SLC22A25: variants seen among roughly 807,000 people sequenced by gnomAD.
SLC22A25 encodes the protein MGI:2442751, MGI:2385316, MGI:3042283, MGI:3645714, MGI:3605624, MGI:2442750.
SLC22A25 carries 44 observed loss-of-function variants against 45.9 expected under a neutral mutation model. The ratio of observed to expected loss-of-function variants is 0.96; its 90% confidence interval spans 0.75 to 1.23. The LOEUF (loss-of-function observed/expected upper bound fraction) is 1.23, where lower values mean the gene tolerates loss of function less well. Among genes scored for constraint, SLC22A25 ranks in the 50% most tolerant of loss-of-function variants. The pLI, the probability that SLC22A25 is intolerant of heterozygous loss-of-function variation, is 0.00. For synonymous variants in SLC22A25, 283 were observed against 238.6 expected (o/e 1.19, Z -1.72); for missense variants, 800 against 666.4 (o/e 1.20, Z -2.21).
At chr11:63,174,286 T>A (rs2088005109) in intron 9 of SLC22A25, among the ~76,000 whole-genome samples, 1 of 152,184 alleles carries the variant, frequency 6.6e-6, no homozygotes, top group South Asian at 2.1e-4. Context: ...CACATTTTCT[T>A]AATCTAGTCT....
At chr11:63,192,341 C>G (rs761220812) in intron 7 of SLC22A25, among the ~76,000 whole-genome samples, 2 of 152,090 alleles carry the variant, frequency 1.3e-5, no homozygotes, top group African/African-American at 2.4e-5. Context: ...GAAAGAAGCA[C>G]TAAATATGGA....
At chr11:63,221,290 T>C (rs2089848111) in intron 5 of SLC22A25, among the ~76,000 whole-genome samples, 1 of 152,196 alleles carries the variant, frequency 6.6e-6, no homozygotes, top group Admixed American at 6.5e-5. Flanking sequence ...CAGCATTTAT[T>C]ATTGCCTGCC....
chr11:63,213,470 G>T (rs1479827519), intron 7 of SLC22A25, among the ~76,000 whole-genome samples: 1 of 152,164 alleles, frequency 6.6e-6, no homozygotes. Context: ...TCAGGGCATT[G>T]GTGGCTACCA....
rs1013793835 is a variant in SLC22A25, at chr11:63,215,988, C to T, written c.830+1326G>A. 2.6e-5 allele frequency among the ~76,000 whole-genome samples: 4 copies of T among 152,094 alleles called. No homozygotes were observed. In the East Asian group the frequency reaches 7.7e-4, roughly 29 times the overall value. On this transcript the variant is annotated intron_variant, in intron 7 of 11. Coordinates refer to ENST00000306494, the MANE Select transcript of SLC22A25 (RefSeq NM_199352.6). ...GTTGCATAATCATGGTGTGTAAGTA[C>T]CACATTTTCATTAATCTGTCATTGA...
Position 63,190,209 on chromosome 11 carries a change from G to C in SLC22A25, c.831-6392C>G, listed in dbSNP as rs146538932. ...ATCAGATGTAGATTTGGTCTTTTCA[G>C]ATAGTCCCATATTTCCTGGAGGCTT... On this transcript the variant is annotated intron_variant, in intron 7 of 11. Transcript: ENST00000306494. Among the ~76,000 whole-genome samples, 542 of 152,170 alleles carry C rather than the reference G, an allele frequency of 3.6e-3. 3 individuals are homozygous for C. Among genetic ancestry groups the C allele is most frequent in the African/African-American group, 0.013 (519 of 41,512 alleles).
chr11:63,189,815 G>C (rs963487844), intron 7 of SLC22A25, among the ~76,000 whole-genome samples: 2 of 152,140 alleles, frequency 1.3e-5, no homozygotes, highest in Non-Finnish European at 2.9e-5. Context: ...GCTTAGTTTG[G>C]CTGGATATGA....
In SLC22A25 at chr11:63,225,949, T is replaced by C. The variant is rs564044417; in HGVS notation, c.506+2512A>G. Among the ~76,000 whole-genome samples, 4 of 152,252 alleles carry C rather than the reference T, an allele frequency of 2.6e-5. No individual in the cohort carries two copies. In the East Asian group the frequency reaches 7.7e-4, roughly 29 times the overall value. ...CTGATGCATTCTTCCATATGTCAAT[T>C]GCATTTCTTCAACTCCAGAATTTCT... On this transcript the variant is annotated intron_variant, in intron 5 of 11. Coordinates refer to ENST00000306494, the MANE Select transcript of SLC22A25 (RefSeq NM_199352.6).
In SLC22A25 at chr11:63,164,528, G is replaced by T; in HGVS notation, c.1392C>A (p.Ile464=). Residue 464 remains isoleucine (I), a splice_region_variant and synonymous_variant, in exon 11 of 12, where the codon ATC becomes ATA. Transcript: ENST00000306494. ...AQENELIPSI[I]RGRATGITGN... is the part of the protein sequence containing the mutation. ...AGAGCACACATAAACTTTTGTACCTGATTATGGAAGGAATTAGTTCATTTT... is the reference window on the plus strand; with the variant it reads ...AGAGCACACATAAACTTTTGTACCTTATTATGGAAGGAATTAGTTCATTTT... 1.2e-6 allele frequency: 2 copies of T among 1,612,850 alleles called. No homozygotes were observed. The highest frequency in any genetic ancestry group is 1.7e-6 in the Non-Finnish European group (2 of 1,179,052).
chr11:63,166,964 C>T, intron 9 of SLC22A25: 1 of 609,998 alleles, frequency 1.6e-6, no homozygotes, highest in Non-Finnish European at 2.1e-6. Flanking sequence ...TTCTGCATTT[C>T]CAACTGAGGT....
At chr11:63,188,395 C>T (rs1282906416) in intron 7 of SLC22A25, among the ~76,000 whole-genome samples, 4 of 151,888 alleles carry the variant, frequency 2.6e-5, no homozygotes, top group Admixed American at 6.6e-5. Flanking sequence ...GGTGATATCC[C>T]CTTTGTCATT....
intron 3 of SLC22A25, among the ~76,000 whole-genome samples, chr11:63,236,564 G>A (rs917458212): frequency 6.6e-5 from 10 of 152,134 alleles, no homozygotes; most frequent in African/African-American, 2.4e-4. Flanking sequence ...GACTAGGAAA[G>A]GGAATTCGCT....
chr11:63,226,879 T>A (rs1421047490), intron 5 of SLC22A25, among the ~76,000 whole-genome samples: 1 of 152,148 alleles, frequency 6.6e-6, no homozygotes, highest in African/African-American at 2.4e-5. Flanking sequence ...TTTCCACTCT[T>A]CTCTCCCCTT....
In SLC22A25 at chr11:63,229,413, G is replaced by C. The variant is rs1206634616; in HGVS notation, c.240C>G (p.Asp80Glu). The C allele has an allele frequency of 6.2e-7, 1 of 1,612,116 alleles. No homozygotes were observed. The highest frequency in any genetic ancestry group is 2.2e-5 in the East Asian group (1 of 44,878). ...DALLRISIPF[D>E]SNLRPEKCRR... ...GACACTTCTCTGGCCTCAGATTTGA[G>C]TCGAATGGGATGGAGATTCTCAGGA... The change falls in exon 4 of 12, where the codon GAC (aspartate) becomes GAG (glutamate). Residue 80 changes from aspartate to glutamate, a missense_variant. Asp to Glu is a conservative substitution (Grantham distance 45). Transcript: ENST00000306494.
chr11:63,229,772 C>T lies in SLC22A25; in HGVS notation c.-120G>A. ...TGTGTGTGTTGATCCTGACCCCACT[C>T]TCTTCTTAATGGGCCCTCTCTCCCA... On this transcript the variant is annotated 5_prime_UTR_variant, in exon 4 of 12. Transcript: ENST00000306494. 5.7e-6 allele frequency: 6 copies of T among 1,049,620 alleles called. No homozygotes were observed. Among genetic ancestry groups the T allele is most frequent in the Non-Finnish European group, 7.8e-6 (6 of 764,604 alleles). 65.0% of individuals were successfully genotyped at this position (1,049,620 alleles called of 1,614,324 possible).
In SLC22A25 at chr11:63,217,990, T is replaced by C. The variant is rs907342047; in HGVS notation, c.507-255A>G. The C allele has an allele frequency of 2.4e-5, 15 of 619,000 alleles. No individual in the cohort carries two copies. In the Admixed American group the frequency reaches 3.3e-4, roughly 14 times the overall value. 38.3% of individuals were successfully genotyped at this position (619,000 alleles called of 1,614,324 possible). A position where few individuals can be genotyped will look rare whatever the true frequency, so the allele number is the denominator to read the frequency against. On this transcript the variant is annotated intron_variant, in intron 5 of 11. Coordinates refer to ENST00000306494, the MANE Select transcript of SLC22A25 (RefSeq NM_199352.6). ...AGATCATTGATACAAATTCAAAACATGTAAGACAGGCTGGGATGTTGAAAT... is the reference window on the plus strand; with the variant it reads ...AGATCATTGATACAAATTCAAAACACGTAAGACAGGCTGGGATGTTGAAAT...
intron 10 of SLC22A25, among the ~76,000 whole-genome samples, 186 bp downstream of exon 10, chr11:63,165,858 C>A (rs776734576): frequency 2.6e-5 from 4 of 152,196 alleles, no homozygotes; most frequent in Non-Finnish European, 4.4e-5. Flanking sequence ...CAATCTTACT[C>A]ATCTTTGACT....
intron 3 of SLC22A25, among the ~76,000 whole-genome samples, chr11:63,232,091 G>C (rs183700221): frequency 0.04 from 6,099 of 152,142 alleles, 414 homozygotes; most frequent in African/African-American, 0.14. Flanking sequence ...TGTTCTTTTG[G>C]CTTAGGATTG....
intron 7 of SLC22A25, among the ~76,000 whole-genome samples, chr11:63,208,647 G>A (rs946328714): frequency 6.6e-6 from 1 of 152,108 alleles, no homozygotes; most frequent in Non-Finnish European, 1.5e-5. Context: ...GAGTCCTGGG[G>A]CAGGGGAGAT....
chr11:63,193,259 A>AGC, intron 7 of SLC22A25, among the ~76,000 whole-genome samples: 1 of 150,056 alleles, frequency 6.7e-6, no homozygotes, highest in South Asian at 2.1e-4. Context: ...ATTTCTGTAT[A>AGC]TCCAACTGAG....
Sources: allele counts gnomAD v4.1 joint callset (sites outside exome capture counted in the v4.1 genomes callset), GRCh38; gene constraint gnomAD v4.1.1; transcripts MANE v1.5; gene names NCBI Gene and HGNC (gene_info 2026-07-23, HGNC 2026-07-21).